ASTN1: variants seen among roughly 807,000 people sequenced by gnomAD.
ASTN1 encodes astrotactin-1.
Under a neutral mutation model 140.7 loss-of-function variants are expected in ASTN1, and 41 were observed. The observed-to-expected ratio is 0.29, with a 90% CI of 0.23 to 0.38. The LOEUF (loss-of-function observed/expected upper bound fraction) is 0.38, where lower values mean the gene tolerates loss of function less well. Among genes scored for constraint, ASTN1 ranks in the 10% least tolerant of loss-of-function variants. ASTN1 has a pLI of 1.00. For synonymous variants in ASTN1, 640 were observed against 652.2 expected (o/e 0.98, Z 0.29); for missense variants, 1,479 against 1,678.8 (o/e 0.88, Z 2.08).
intron 1 of ASTN1, among the ~76,000 whole-genome samples, chr1:177,135,750 T>C (rs1041343964): frequency 8.5e-5 from 13 of 152,190 alleles, no homozygotes; most frequent in African/African-American, 3.1e-4. Context: ...AAATGACCTT[T>C]AAAACACTTT....
At chr1:177,020,557 C>A (rs1675773152) in intron 7 of ASTN1, among the ~76,000 whole-genome samples, 1 of 152,206 alleles carries the variant, frequency 6.6e-6, no homozygotes, top group Non-Finnish European at 1.5e-5. Context: ...TTTGACCACT[C>A]AGATAATCTT....
chr1:176,965,584 G>A (rs907859938), intron 8 of ASTN1, among the ~76,000 whole-genome samples: 1 of 152,200 alleles, frequency 6.6e-6, no homozygotes, highest in African/African-American at 2.4e-5. Context: ...GCTCCCTTAA[G>A]AAGAGCAGCG....
chr1:176,984,125 C>T (rs1673767463), intron 8 of ASTN1, among the ~76,000 whole-genome samples: 1 of 152,180 alleles, frequency 6.6e-6, no homozygotes. Flanking sequence ...TCATCGATAC[C>T]GTGAATGCTT....
At chr1:176,887,822 A>G (rs1372661830) in intron 18 of ASTN1, among the ~76,000 whole-genome samples, 1 of 152,116 alleles carries the variant, frequency 6.6e-6, no homozygotes, top group East Asian at 1.9e-4. Flanking sequence ...AGCCGTCACC[A>G]TGGCGTCAGT....
At chr1:177,108,415 G>T (rs1571795177) in intron 1 of ASTN1, among the ~76,000 whole-genome samples, 2 of 150,666 alleles carry the variant, frequency 1.3e-5, no homozygotes, top group South Asian at 4.2e-4. Flanking sequence ...GTGTGTATTT[G>T]ACTACTCTAG....
Position 176,864,456 on chromosome 1 carries a change from T to G in ASTN1, c.3713A>C (p.Glu1238Ala). Residue 1238 changes from glutamate (E) to alanine (A), a missense_variant, in exon 23 of 23, where the codon GAA becomes GCA. Physicochemically the swap from Glu to Ala is moderately radical, Grantham distance 107 (BLOSUM62 -1). This residue lies in a region of ASTN1 where 746 missense variants were observed against 800.9 expected (regional missense o/e 0.93). Coordinates refer to ENST00000361833, the MANE Select transcript of ASTN1 (RefSeq NM_004319.3). Reference protein sequence around the residue: ...LSSWCNGLLQEPKISLRRSSL... With the variant: ...LSSWCNGLLQAPKISLRRSSL... Reference sequence around the variant, plus strand: ...GCTGCGCCGCAAGCTTATCTTGGGTTCCTGAAGGAGTCCATTGCACCAACT... The same window carrying G: ...GCTGCGCCGCAAGCTTATCTTGGGTGCCTGAAGGAGTCCATTGCACCAACT... 1 of 1,614,136 alleles carries G rather than the reference T, an allele frequency of 6.2e-7. No homozygotes were observed. The highest frequency in any genetic ancestry group is 8.5e-7 in the Non-Finnish European group (1 of 1,180,024).
intron 8 of ASTN1, among the ~76,000 whole-genome samples, chr1:176,969,263 G>A (rs892785694): frequency 2.0e-5 from 3 of 152,168 alleles, no homozygotes; most frequent in African/African-American, 2.4e-5. Flanking sequence ...TGTGTCTCTC[G>A]CCTCCCTTTG....
intron 1 of ASTN1, among the ~76,000 whole-genome samples, chr1:177,063,373 T>G (rs554344145): frequency 6.6e-6 from 1 of 152,164 alleles, no homozygotes; most frequent in South Asian, 2.1e-4. Flanking sequence ...AAGCTGTCCA[T>G]GAACTCAGAC....
At chr1:176,994,067 C>G (rs1311052202) in intron 8 of ASTN1, among the ~76,000 whole-genome samples, 2 of 151,634 alleles carry the variant, frequency 1.3e-5, no homozygotes, top group African/African-American at 2.4e-5. Context: ...TTCGTTCATT[C>G]TGATATTATG....
Position 177,152,197 on chromosome 1 carries a change from T to C in ASTN1, c.283+12197A>G, listed in dbSNP as rs144636950. 1.5e-4 allele frequency among the ~76,000 whole-genome samples: 23 copies of C among 152,262 alleles called. No individual in the cohort carries two copies. In the East Asian group the frequency reaches 2.7e-3, roughly 18 times the overall value. On this transcript the variant is annotated intron_variant, in intron 1 of 22. Coordinates refer to ENST00000361833, the MANE Select transcript of ASTN1 (RefSeq NM_004319.3). ...ACCACAGAAAGTGCACAGATTTGCA[T>C]TGCATAACTCCAAAAGATGCTACAT...
At chr1:176,961,902 G>T (rs1183702478) in intron 9 of ASTN1, among the ~76,000 whole-genome samples, 1 of 152,174 alleles carries the variant, frequency 6.6e-6, no homozygotes, top group African/African-American at 2.4e-5. Flanking sequence ...TGATGGCTCA[G>T]CTGTGCACTG....
intron 1 of ASTN1, among the ~76,000 whole-genome samples, chr1:177,076,864 T>C (rs561134334): frequency 2.0e-5 from 3 of 152,132 alleles, no homozygotes; most frequent in Non-Finnish European, 4.4e-5. Context: ...AAAGCTAAGA[T>C]GAAGGGACTT....
rs186350717 is a variant in ASTN1, at chr1:177,108,262, T to C, written c.284-46997A>G. ...TACTCCAGAGGCTGAGGCAGGAGAA[T>C]CGCTTGGACCCGGGAGGTGGAGGTT... On this transcript the variant is annotated intron_variant, in intron 1 of 22. Transcript: ENST00000361833. Among the ~76,000 whole-genome samples the C allele has an allele frequency of 2.3e-4, 34 of 147,370 alleles. No homozygotes were observed. The East Asian group carries it at 6.8e-3, about 30-fold the overall frequency.
chr1:177,087,183 A>C (rs1679515238), intron 1 of ASTN1, among the ~76,000 whole-genome samples: 1 of 152,160 alleles, frequency 6.6e-6, no homozygotes, highest in African/African-American at 2.4e-5. Context: ...GAAGAACATA[A>C]TTTGCAAAGA....
Position 176,861,289 on chromosome 1 carries a change from T to C in ASTN1, c.*2995A>G. ...CTAAAAAATAATGAACGGACCAAAC[T>C]CCATGGAAAACGATTGCACACTCAA... On this transcript the variant is annotated 3_prime_UTR_variant, in exon 23 of 23. Coordinates refer to ENST00000361833, the MANE Select transcript of ASTN1 (RefSeq NM_004319.3). 1 of 985,676 alleles carries C rather than the reference T, an allele frequency of 1.0e-6. No individual in the cohort carries two copies. The highest frequency in any genetic ancestry group is 1.2e-6 in the Non-Finnish European group (1 of 829,822). The allele number at this position is 985,676 out of a possible 1,614,324, so 61.1% of individuals were successfully genotyped here.
chr1:176,860,418 T>G (rs889015570), downstream of ASTN1, among the ~76,000 whole-genome samples: 1 of 152,218 alleles, frequency 6.6e-6, no homozygotes, highest in African/African-American at 2.4e-5. Flanking sequence ...ACCTGATTGT[T>G]GAAGAATTTA....
At position 176,897,274 on chromosome 1, in the gene ASTN1, CAAAAAAAAAAAA is replaced by C. The variant is rs56828059; in HGVS notation, c.2672-2456_2672-2445del. ...TGGGCTACAGAGCAAGACTCCGTCTCAAAAAAAAAAAAAAAAAAAAAAAGGCAGTAAGTAAAA... is the reference window on the plus strand; with the variant it reads ...TGGGCTACAGAGCAAGACTCCGTCTCAAAAAAAAAAAGGCAGTAAGTAAAA... On this transcript the variant is annotated intron_variant, in intron 16 of 22. Coordinates refer to ENST00000361833, the MANE Select transcript of ASTN1 (RefSeq NM_004319.3). Among the ~76,000 whole-genome samples, 3 of 44,134 alleles carry C rather than the reference CAAAAAAAAAAAA, an allele frequency of 6.8e-5. No homozygotes were observed. In the East Asian group the frequency reaches 2.3e-3, roughly 34 times the overall value. 29.0% of individuals were successfully genotyped at this position (44,134 alleles called of 152,430 possible). A position where few individuals can be genotyped will look rare whatever the true frequency, so the allele number is the denominator to read the frequency against.
Position 177,164,479 on chromosome 1 carries a change from G to C in ASTN1, c.198C>G (p.Leu66=). The change falls in exon 1 of 23, where the codon CTC becomes CTG. Residue 66 remains leucine (L), a synonymous_variant. Coordinates refer to ENST00000361833, the MANE Select transcript of ASTN1 (RefSeq NM_004319.3). ...MHSPSASEPK[L]LFSVRNDFPG... The stretch of plus-strand genomic sequence containing the variant: ...GGAAGTCGTTGCGCACCGAGAAGAG[G>C]AGCTTGGGCTCCGAGGCCGAGGGGC... 1 of 1,613,992 alleles carries C rather than the reference G, an allele frequency of 6.2e-7. No individual in the cohort carries two copies. Among genetic ancestry groups the C allele is most frequent in the Non-Finnish European group, 8.5e-7 (1 of 1,179,960 alleles).
intron 20 of ASTN1, among the ~76,000 whole-genome samples, chr1:176,880,158 A>G (rs1413893266): frequency 6.6e-6 from 1 of 152,178 alleles, no homozygotes; most frequent in Non-Finnish European, 1.5e-5. Flanking sequence ...GGGATTGTTC[A>G]GCCCACAGCT....
Sources: allele counts gnomAD v4.1 joint callset (sites outside exome capture counted in the v4.1 genomes callset), GRCh38; gene constraint gnomAD v4.1.1; regional missense constraint gnomAD v4.1.1; transcripts MANE v1.5; gene names NCBI Gene and HGNC (gene_info 2026-07-23, HGNC 2026-07-21).